The following RPL36A variants were observed in gnomAD, a reference collection of about 807,000 sequenced individuals.
The protein encoded by RPL36A is ribosomal protein L36a.
For missense variants in RPL36A, 20 were observed against 81.0 expected (o/e 0.25, Z 2.89); for synonymous variants, 25 against 28.5 (o/e 0.88, Z 0.39).
At chrX:101,391,336 G>A in intron 1 of RPL36A, 123 bp from the exon 2 acceptor site, 1 of 865,703 alleles carries the variant, frequency 1.2e-6, no homozygotes, top group Non-Finnish European at 1.7e-6. Context: ...GGCCCACCCT[G>A]TAGTCAGAGG....
chrX:101,395,373 C>T lies in RPL36A; in HGVS notation c.216C>T (p.Cys72=), dbSNP rs781827069. ...AGAAGATTGTGCTAAGGCTTGAGTG[C>T]GTTGAGCCCAACTGCAGATCTAAGA... ...TTKKIVLRLE[C]VEPNCRSKRM... is the part of the protein sequence containing the mutation. The change falls in exon 4 of 5, where the codon TGC becomes TGT. Residue 72 remains cysteine (C), a synonymous_variant. Coordinates refer to ENST00000553110, the MANE Select transcript of RPL36A (RefSeq NM_021029.6). 35 of 1,204,921 alleles carry T rather than the reference C, an allele frequency of 2.9e-5. No individual in the cohort carries two copies. The highest frequency in any genetic ancestry group is 2.3e-4 in the Middle Eastern group (1 of 4,313).
At position 101,391,106 on chromosome X, in the gene RPL36A, C is replaced by G; in HGVS notation, c.3+60C>G. 2.6e-6 allele frequency: 3 copies of G among 1,148,677 alleles called. No individual in the cohort carries two copies. In the South Asian group the frequency reaches 5.4e-5, roughly 21 times the overall value. 94.7% of individuals were successfully genotyped at this position (1,148,677 alleles called of 1,213,427 possible). On this transcript the variant is annotated intron_variant, in intron 1 of 4. Transcript: ENST00000553110. ...GCTTAATCTTTCCCCCCCTTCGTCG[C>G]CCGTGCTATGCCGGGATGGGTCCAG...
chrX:101,394,666 C>T (rs939059229), intron 3 of RPL36A, among the ~76,000 whole-genome samples: 1 of 103,418 alleles, frequency 9.7e-6, no homozygotes, highest in Non-Finnish European at 1.9e-5. Flanking sequence ...TTGATGACAA[C>T]TGGGTGACAT....
In RPL36A at chrX:101,395,779, T is replaced by A; in HGVS notation, c.*31T>A. The A allele has an allele frequency of 8.5e-7, 1 of 1,172,078 alleles. No homozygotes were observed. Among genetic ancestry groups the A allele is most frequent in the South Asian group, 1.8e-5 (1 of 55,242 alleles). ...ATCTTTTATTATGAAGACAATAAAA[T>A]CTTGAGTTTATGTTCACTTCATTTG... On this transcript the variant is annotated 3_prime_UTR_variant, in exon 5 of 5. Transcript: ENST00000553110.
rs1928012809 is a variant in RPL36A at position 101,395,986 on chromosome X, T to A, written c.*238T>A. The A allele has an allele frequency of 2.5e-6, 1 of 393,908 alleles. No individual in the cohort carries two copies. The highest frequency in any genetic ancestry group is 4.4e-6 in the Non-Finnish European group (1 of 229,341). 32.5% of individuals were successfully genotyped at this position (393,908 alleles called of 1,213,427 possible). A position where few individuals can be genotyped will look rare whatever the true frequency, so the allele number is the denominator to read the frequency against. On this transcript the variant is annotated 3_prime_UTR_variant, in exon 5 of 5. Transcript: ENST00000553110. The stretch of plus-strand genomic sequence containing the variant: ...ATCACTAGGGGCCTTATGAGGCAGT[T>A]TGTCATTATGCAATGGTTATTGGTT...
intron 3 of RPL36A, among the ~76,000 whole-genome samples, chrX:101,394,770 TA>T (rs1927958197): frequency 1.1e-5 from 1 of 91,095 alleles, no homozygotes; most frequent in Admixed American, 1.3e-4. Context: ...TATATTTATA[TA>T]TATAATATAT....
chrX:101,394,788 A>G (rs1200921503), intron 3 of RPL36A, among the ~76,000 whole-genome samples: 8 of 71,774 alleles, frequency 1.1e-4, no homozygotes, highest in African/African-American at 6.9e-4. Flanking sequence ...ATATATATAT[A>G]TATTTTTTTT....
intron 4 of RPL36A, 29 bp from the exon 5 acceptor site, chrX:101,395,698 AC>A (rs782432842): frequency 1.7e-6 from 2 of 1,207,815 alleles, no homozygotes; most frequent in Admixed American, 4.4e-5. Flanking sequence ...ATGGCAAAAT[AC>A]AAAACAACTT....
intron 2 of RPL36A, 30 bp from the exon 3 acceptor site, chrX:101,391,725 T>A: frequency 5.8e-6 from 7 of 1,209,553 alleles, no homozygotes; most frequent in Non-Finnish European, 6.7e-6. Flanking sequence ...TCTTCAGTAT[T>A]TTATAACAAA....
rs781879386 is a variant in RPL36A at position 101,394,706 on chromosome X, T to TTATA, written c.178-619_178-616dup. ...TCTTTGCTATTACCACATTTTCTCT[T>TTATA]TATATATATATATTTATATATTATA... On this transcript the variant is annotated intron_variant, in intron 3 of 4. Coordinates refer to ENST00000553110, the MANE Select transcript of RPL36A (RefSeq NM_021029.6). Among the ~76,000 whole-genome samples, 15 of 101,255 alleles carry TTATA rather than the reference T, an allele frequency of 1.5e-4. 3 individuals are homozygous for TTATA. Among genetic ancestry groups the TTATA allele is most frequent in the East Asian group, 1.5e-3 (5 of 3,414 alleles). The allele number at this position is 101,255 out of a possible 115,157, so 87.9% of individuals were successfully genotyped here.
In RPL36A at chrX:101,395,321, T is replaced by G. The variant is rs1555984169; in HGVS notation, c.178-14T>G. 1 of 1,179,280 alleles carries G rather than the reference T, an allele frequency of 8.5e-7. No homozygotes were observed. Among genetic ancestry groups the G allele is most frequent in the Non-Finnish European group, 1.1e-6 (1 of 883,851 alleles). On this transcript the variant is annotated splice_polypyrimidine_tract_variant and intron_variant, in intron 3 of 4. Coordinates refer to ENST00000553110, the MANE Select transcript of RPL36A (RefSeq NM_021029.6). ...GTAGTTATTTATTAAGGCTTTAATT[T>G]AATTTTTTTTCAGGCTAAAACTACA... is the stretch of plus-strand genomic sequence containing the variant.
At chrX:101,391,252 GTGGAGT>G in intron 1 of RPL36A, 1 of 582,496 alleles carries the variant, frequency 1.7e-6, no homozygotes, top group East Asian at 3.4e-5. Flanking sequence ...TTAGCCGGGG[GTGGAGT>G]TAATGAGGTC....
intron 3 of RPL36A, among the ~76,000 whole-genome samples, chrX:101,394,067 C>T (rs782322642): frequency 1.8e-5 from 2 of 111,662 alleles, no homozygotes; most frequent in African/African-American, 6.5e-5. Flanking sequence ...TGGTGGCTCG[C>T]GCCTGTAATC....
At chrX:101,392,033 TCCTTTC>T (rs1444530096) in intron 3 of RPL36A, 2 of 1,157,092 alleles carry the variant, frequency 1.7e-6, no homozygotes, top group Admixed American at 2.6e-5. Context: ...CGATTTTTTA[TCCTTTC>T]CCTTCTGAAG....
chrX:101,391,088 C>T, intron 1 of RPL36A, 42 bp downstream of exon 1: 2 of 1,180,445 alleles, frequency 1.7e-6, no homozygotes, highest in Non-Finnish European at 2.3e-6. Flanking sequence ...CCAGCTTAAT[C>T]TTTCCCCCCC....
intron 4 of RPL36A, 98 bp from the exon 5 acceptor site, chrX:101,395,630 C>CT: frequency 9.1e-7 from 1 of 1,104,063 alleles, no homozygotes; most frequent in South Asian, 1.9e-5. Context: ...AATGAGGCAG[C>CT]TTAACAGCAT....
chrX:101,394,185 T>G (rs1010734880), intron 3 of RPL36A, among the ~76,000 whole-genome samples: 1 of 109,015 alleles, frequency 9.2e-6, no homozygotes, highest in Non-Finnish European at 1.9e-5. Context: ...AAGAAAAAAT[T>G]AGCTGGGCGT....
At chrX:101,391,429 A>T in intron 1 of RPL36A, 30 bp from the exon 2 acceptor site, 1 of 1,205,439 alleles carries the variant, frequency 8.3e-7, no homozygotes, top group South Asian at 1.8e-5. Flanking sequence ...GTCAAATAAC[A>T]TTGCACGTTC....
At chrX:101,394,065 C>T (rs1357977175) in intron 3 of RPL36A, among the ~76,000 whole-genome samples, 2 of 111,612 alleles carry the variant, frequency 1.8e-5, no homozygotes, top group African/African-American at 3.3e-5. Flanking sequence ...CGTGGTGGCT[C>T]GCGCCTGTAA....
Sources: gnomAD v4.1 joint callset for allele counts (sites outside exome capture counted in the v4.1 genomes callset) on GRCh38, gnomAD v4.1.1 for gene constraint, MANE v1.5 for transcripts, NCBI Gene and HGNC (gene_info 2026-07-23, HGNC 2026-07-21) for gene names.